SLC4A10: variants seen among roughly 807,000 people sequenced by gnomAD.
SLC4A10 encodes the protein solute carrier family 4 member 10, also known as sodium-driven chloride bicarbonate exchanger.
Under a neutral mutation model 137.7 loss-of-function variants are expected in SLC4A10, and 42 were observed. The observed-to-expected ratio is 0.30, with a 90% CI of 0.24 to 0.39. SLC4A10 has a LOEUF of 0.39. SLC4A10 is among the 10% of genes least tolerant of loss of function. SLC4A10 has a pLI of 1.00. For synonymous variants in SLC4A10, 474 were observed against 464.1 expected (o/e 1.02, Z -0.27); for missense variants, 925 against 1,355.0 (o/e 0.68, Z 4.98).
At chr2:161,877,293 T>C (rs1354522348) in intron 8 of SLC4A10, among the ~76,000 whole-genome samples, 2 of 152,116 alleles carry the variant, frequency 1.3e-5, no homozygotes, top group African/African-American at 4.8e-5. Context: ...TTATCAATTA[T>C]GGATTTTAAA....
intron 1 of SLC4A10, among the ~76,000 whole-genome samples, chr2:161,750,072 T>C (rs1376684489): frequency 6.6e-6 from 1 of 151,862 alleles, no homozygotes; most frequent in Non-Finnish European, 1.5e-5. Flanking sequence ...TGATCCTTTT[T>C]ATTTCTGAGG....
At position 161,759,616 on chromosome 2, in the gene SLC4A10, G is replaced by A. The variant is rs150786400; in HGVS notation, c.49-11357G>A. Among the ~76,000 whole-genome samples, 563 of 151,926 alleles carry A rather than the reference G, an allele frequency of 3.7e-3. 2 individuals are homozygous for A. The highest frequency in any genetic ancestry group is 5.9e-3 in the Non-Finnish European group (399 of 67,878). ...CTGTGTCTGGCTTATTTCACTTAGC[G>A]TAATGTATATCTGTTGATCATTTTT... On this transcript the variant is annotated intron_variant, in intron 1 of 26. Coordinates refer to ENST00000446997, the MANE Select transcript of SLC4A10 (RefSeq NM_001178015.2).
At chr2:161,918,776 C>T (rs567443395) in intron 15 of SLC4A10, among the ~76,000 whole-genome samples, 160 of 152,158 alleles carry the variant, frequency 1.1e-3, no homozygotes, top group African/African-American at 3.6e-3. Flanking sequence ...AGTAGGGAGG[C>T]GCCTACTTGC....
intron 8 of SLC4A10, 76 bp downstream of exon 8, chr2:161,874,081 A>G (rs2061318919): frequency 1.4e-6 from 2 of 1,391,374 alleles, no homozygotes; most frequent in South Asian, 1.2e-5. Context: ...TGATTCAAAC[A>G]TTAAGCCAGT....
chr2:161,798,307 CTG>C (rs2055000542), intron 2 of SLC4A10, among the ~76,000 whole-genome samples: 2 of 152,024 alleles, frequency 1.3e-5, no homozygotes, highest in African/African-American at 4.8e-5. Context: ...TATGCAACAG[CTG>C]TGTTATATTC....
intron 5 of SLC4A10, 90 bp downstream of exon 5, chr2:161,855,220 T>C (rs924918746): frequency 8.0e-7 from 1 of 1,254,320 alleles, no homozygotes. Context: ...GTATGAACTT[T>C]GGAAAACTAA....
intron 1 of SLC4A10, among the ~76,000 whole-genome samples, chr2:161,631,735 C>A (rs955017780): frequency 1.3e-5 from 2 of 151,622 alleles, no homozygotes; most frequent in Non-Finnish European, 3.0e-5. Flanking sequence ...ACAAAAATTG[C>A]AGAAGTGCCA....
chr2:161,968,246 C>G (rs1308478326), intron 23 of SLC4A10, among the ~76,000 whole-genome samples: 1 of 152,152 alleles, frequency 6.6e-6, no homozygotes, highest in Admixed American at 6.5e-5. Flanking sequence ...CCCAGAACCA[C>G]TCACATAGCT....
At chr2:161,701,011 A>G (rs530100294) in intron 1 of SLC4A10, among the ~76,000 whole-genome samples, 8 of 152,208 alleles carry the variant, frequency 5.3e-5, no homozygotes, top group African/African-American at 1.9e-4. Context: ...CAATGACTCT[A>G]TGACACGCAG....
intron 4 of SLC4A10, among the ~76,000 whole-genome samples, chr2:161,850,780 A>G (rs1273080322): frequency 1.3e-5 from 2 of 151,952 alleles, no homozygotes; most frequent in Non-Finnish European, 2.9e-5. Flanking sequence ...TTGTTTTTCA[A>G]ATTCCTTCAA....
In SLC4A10 at chr2:161,879,060, A is replaced by G. The variant is rs1382904653; in HGVS notation, c.949-71A>G. 15 of 1,367,654 alleles carry G rather than the reference A, an allele frequency of 1.1e-5. No individual in the cohort carries two copies. In the South Asian group the frequency reaches 2.0e-4, roughly 18 times the overall value. 84.7% of individuals were successfully genotyped at this position (1,367,654 alleles called of 1,614,324 possible). On this transcript the variant is annotated intron_variant, in intron 8 of 26. Coordinates refer to ENST00000446997, the MANE Select transcript of SLC4A10 (RefSeq NM_001178015.2). ...ATTCATGGATTACTATATGTGAAGC[A>G]CTGTGCAAGAATATGATTTACCAGA...
At chr2:161,879,805 G>T (rs2061653648) in intron 9 of SLC4A10, among the ~76,000 whole-genome samples, 2 of 152,008 alleles carry the variant, frequency 1.3e-5, no homozygotes, top group South Asian at 4.1e-4. Flanking sequence ...GACACACAGG[G>T]TCTGTAGAAA....
intron 11 of SLC4A10, among the ~76,000 whole-genome samples, chr2:161,895,261 C>T (rs1012609562): frequency 9.2e-5 from 14 of 152,052 alleles, no homozygotes; most frequent in Non-Finnish European, 1.8e-4. Context: ...TTTATGGCTG[C>T]ATAGTATTCC....
intron 1 of SLC4A10, among the ~76,000 whole-genome samples, chr2:161,709,195 T>C (rs1432428041): frequency 1.3e-5 from 2 of 151,546 alleles, no homozygotes; most frequent in Admixed American, 6.6e-5. Context: ...AAAAATAGTA[T>C]AAATCGATCA....
At chr2:161,827,991 T>G (rs929494042) in intron 3 of SLC4A10, among the ~76,000 whole-genome samples, 2 of 152,220 alleles carry the variant, frequency 1.3e-5, no homozygotes, top group Non-Finnish European at 2.9e-5. Context: ...CCAATATCAG[T>G]ACATTGCTTA....
intron 1 of SLC4A10, among the ~76,000 whole-genome samples, chr2:161,753,948 G>T (rs372600296): frequency 6.6e-6 from 1 of 151,454 alleles, no homozygotes; most frequent in Non-Finnish European, 1.5e-5. Context: ...GGAGTGCAGT[G>T]GCGCAATCTT....
chr2:161,833,345 T>C (rs1435813841), intron 3 of SLC4A10, among the ~76,000 whole-genome samples: 4 of 152,200 alleles, frequency 2.6e-5, no homozygotes, highest in Non-Finnish European at 5.9e-5. Context: ...TTGGCCCTTT[T>C]ATGGAGATTT....
chr2:161,749,941 C>A (rs188971195), intron 1 of SLC4A10, among the ~76,000 whole-genome samples: 1 of 151,688 alleles, frequency 6.6e-6, no homozygotes, highest in Non-Finnish European at 1.5e-5. Context: ...TATTATTGGT[C>A]TGTTCAAGCT....
chr2:161,651,108 C>T (rs2036727760), intron 1 of SLC4A10: 1 of 152,724 alleles, frequency 6.5e-6, no homozygotes, highest in Non-Finnish European at 1.5e-5. Flanking sequence ...CCCATAACCC[C>T]ACCCCGCCTC....
Sources: allele counts gnomAD v4.1 joint callset (sites outside exome capture counted in the v4.1 genomes callset), GRCh38; gene constraint gnomAD v4.1.1; transcripts MANE v1.5; gene names NCBI Gene and HGNC (gene_info 2026-07-23, HGNC 2026-07-21).